Variants in CABP2 observed in about 807,000 individuals in gnomAD.
The protein encoded by CABP2 is calcium binding protein 2, also known as calcium-binding protein 2.
Under a neutral mutation model 28.6 loss-of-function variants are expected in CABP2, and 25 were observed. The ratio of observed to expected loss-of-function variants is 0.87; its 90% CI spans 0.64 to 1.22. The LOEUF (loss-of-function observed/expected upper bound fraction) is 1.22. Among genes scored for constraint, CABP2 ranks in the 50% most tolerant of loss-of-function variants. The pLI, the probability that CABP2 is intolerant of heterozygous loss-of-function variation, is 0.00. For synonymous variants in CABP2, 138 were observed against 126.0 expected (o/e 1.09, Z -0.64); for missense variants, 310 against 312.2 (o/e 0.99, Z 0.05).
chr11:67,520,778 A>G (rs1866735507), intron 4 of CABP2, among the ~76,000 whole-genome samples: 1 of 152,214 alleles, frequency 6.6e-6, no homozygotes, highest in Non-Finnish European at 1.5e-5. Flanking sequence ...TTGCTGTGTG[A>G]CCTTAGACAA....
chr11:67,520,077 G>A lies in CABP2; in HGVS notation c.463C>T (p.Arg155Trp), dbSNP rs1485571053. 10 of 1,613,292 alleles carry A rather than the reference G, an allele frequency of 6.2e-6. No individual in the cohort carries two copies. The highest frequency in any genetic ancestry group is 2.2e-5 in the East Asian group (1 of 44,892). The part of the protein sequence containing the change: ...LAETADMIGV[R>W]ELRDAFREFD... ...TCCCGGAAGGCGTCCCGTAGCTCCC[G>A]GACACCGATCATGTCTGCCGTCTCT... The change falls in exon 5 of 7, where the codon CGG becomes TGG. Residue 155 changes from arginine to tryptophan, a missense_variant. Arg to Trp is a moderately radical substitution (Grantham distance 101). Transcript: ENST00000294288.
At chr11:67,520,957 G>C in intron 4 of CABP2, 68 bp downstream of exon 4, 4 of 1,551,414 alleles carry the variant, frequency 2.6e-6, no homozygotes, top group African/African-American at 1.4e-5. Context: ...TACCTGGACT[G>C]CTTGGCTTCA....
rs1227395478 is a variant in CABP2 at position 67,519,735 on chromosome 11, G to A, written c.637+58C>T. Reference sequence around the variant, plus strand: ...GCCCAGTGGTGACTCTTGCTGTGCGGTTTCTTATCTGCTAGGACCCTTCCA... The same window carrying A: ...GCCCAGTGGTGACTCTTGCTGTGCGATTTCTTATCTGCTAGGACCCTTCCA... On this transcript the variant is annotated intron_variant, in intron 6 of 6. Transcript: ENST00000294288. 3.8e-6 allele frequency: 6 copies of A among 1,579,004 alleles called. No individual in the cohort carries two copies. The East Asian group carries it at 1.4e-4, about 36-fold the overall frequency.
Position 67,521,025 on chromosome 11 carries a change from T to A in CABP2, c.379A>T (p.Ser127Cys), listed in dbSNP as rs755561133. The change falls in exon 4 of 7, where the codon AGT (serine) becomes TGT (cysteine). Residue 127 changes from serine to cysteine, a missense_variant and splice_region_variant. Transcript: ENST00000294288. ...ATGGGGATGGGTCCGAGGCACATAC[T>A]GATTTGTTGTGAGATCTCGATGAGC... ...MELIEISQQI[S>C]GGKVDFEDFV... 1.9e-6 allele frequency: 3 copies of A among 1,613,338 alleles called. No homozygotes were observed. Among genetic ancestry groups the A allele is most frequent in the Non-Finnish European group, 1.7e-6 (2 of 1,179,504 alleles).
chr11:67,519,977 A>C, intron 5 of CABP2, 37 bp from the exon 6 acceptor site: 1 of 1,598,526 alleles, frequency 6.3e-7, no homozygotes, highest in Middle Eastern at 1.7e-4. Context: ...GGTCACTGAC[A>C]GTCATTCACA....
chr11:67,522,743 G>C, intron 1 of CABP2, 27 bp from the exon 2 acceptor site: 2 of 1,457,664 alleles, frequency 1.4e-6, no homozygotes, highest in South Asian at 2.8e-5. Flanking sequence ...CGTGAGCTGG[G>C]GCAGTGGCCG....
rs571809952 is a variant in CABP2, at chr11:67,520,305, T to C, written c.380-145A>G. 1.2e-3 allele frequency: 746 copies of C among 613,166 alleles called. 1 individual carries two copies. The highest frequency in any genetic ancestry group is 1.9e-3 in the Non-Finnish European group (651 of 344,088). 38.0% of individuals were successfully genotyped at this position (613,166 alleles called of 1,614,324 possible). On this transcript the variant is annotated intron_variant, in intron 4 of 6. Coordinates refer to ENST00000294288, the MANE Select transcript of CABP2 (RefSeq NM_016366.3). ...AGCCTGGGTCATCTGTATTTCCCAATGGGAATCGCCCTCCAAACAAGGCAC... is the reference window on the plus strand; with the variant it reads ...AGCCTGGGTCATCTGTATTTCCCAACGGGAATCGCCCTCCAAACAAGGCAC...
Position 67,519,809 on chromosome 11 carries a change from A to G in CABP2, c.621T>C (p.Gly207=). Residue 207 remains glycine, a synonymous_variant, in exon 6 of 7, where the codon GGT becomes GGC. Coordinates refer to ENST00000294288, the MANE Select transcript of CABP2 (RefSeq NM_016366.3). ...ILQDVDLNGD[G]LVDFEEFVRM... ...AGGGGGTACCTTCGAAGTCGACCAG[A>G]CCGTCCCCATTGAGGTCCACGTCCT... 1 of 1,613,890 alleles carries G rather than the reference A, an allele frequency of 6.2e-7. No individual in the cohort carries two copies. The highest frequency in any genetic ancestry group is 8.5e-7 in the Non-Finnish European group (1 of 1,179,918).
Position 67,521,998 on chromosome 11 carries a change from G to C in CABP2, c.214-16C>G, listed in dbSNP as rs771098980. The C allele has an allele frequency of 8.7e-6, 14 of 1,611,148 alleles. No individual in the cohort carries two copies. The African/African-American group carries it at 1.9e-4, about 22-fold the overall frequency. ...GCTCCCGGTCCTGAAGGGCACAGAG[G>C]GGTTAGGAATTCCCTGCTCCTACTG... is the stretch of plus-strand genomic sequence containing the variant. On this transcript the variant is annotated splice_polypyrimidine_tract_variant and intron_variant, in intron 2 of 6. Transcript: ENST00000294288.
In CABP2 at chr11:67,522,629, C is replaced by G; in HGVS notation, c.130G>C (p.Gly44Arg). The G allele has an allele frequency of 1.9e-6, 3 of 1,548,796 alleles. No individual in the cohort carries two copies. The highest frequency in any genetic ancestry group is 2.6e-6 in the Non-Finnish European group (3 of 1,145,952). The change falls in exon 2 of 7, where the codon GGC becomes CGC. Residue 44 changes from glycine to arginine, a missense_variant. Physicochemically the swap from Gly to Arg is moderately radical, Grantham distance 125. Transcript: ENST00000294288. ...SPKEQGDPAP[G>R]VQGYSVLNSL... Reference sequence around the variant, plus strand: ...TTGAGCACCGAGTAGCCCTGGACGCCTGGCGCGGGGTCCCCCTGCTCCTTG... The same window carrying G: ...TTGAGCACCGAGTAGCCCTGGACGCGTGGCGCGGGGTCCCCCTGCTCCTTG...
At chr11:67,523,222 C>T in intron 1 of CABP2, 63 bp downstream of exon 1, 1 of 1,335,492 alleles carries the variant, frequency 7.5e-7, no homozygotes, top group Non-Finnish European at 1.1e-6. Context: ...TCTGCCCATC[C>T]CATCTGACCC....
chr11:67,521,249 C>G lies in CABP2; in HGVS notation c.245-90G>C. ...CCCTTCTCCCTTGGTCCAATCATCCCTCCTTCTGAACATCAGATTCTCTTT... is the reference window on the plus strand; with the variant it reads ...CCCTTCTCCCTTGGTCCAATCATCCGTCCTTCTGAACATCAGATTCTCTTT... On this transcript the variant is annotated intron_variant, in intron 3 of 6. Transcript: ENST00000294288. 2.2e-6 allele frequency: 3 copies of G among 1,354,266 alleles called. No individual in the cohort carries two copies. The South Asian group carries it at 3.9e-5, about 18-fold the overall frequency. The allele number at this position is 1,354,266 out of a possible 1,614,324, so 83.9% of individuals were successfully genotyped here. A position where few individuals can be genotyped will look rare whatever the true frequency, so the allele number is the denominator to read the frequency against.
chr11:67,522,829 T>C (rs1461332400), intron 1 of CABP2, 113 bp from the exon 2 acceptor site: 1 of 975,864 alleles, frequency 1.0e-6, no homozygotes, highest in Non-Finnish European at 1.5e-6. Flanking sequence ...CATGGGACAG[T>C]AGGGAAGGGG....
In CABP2 at chr11:67,519,939, A is replaced by G. The variant is rs773591861; in HGVS notation, c.491T>C (p.Phe164Ser). 3.1e-6 allele frequency: 5 copies of G among 1,605,992 alleles called. No individual in the cohort carries two copies. In the South Asian group the frequency reaches 5.5e-5, roughly 18 times the overall value. The change falls in exon 6 of 7, where the codon TTC (phenylalanine) becomes TCC (serine). Residue 164 changes from phenylalanine (F) to serine (S), a missense_variant and splice_region_variant. Transcript: ENST00000294288. ...GATGCGGCCGTCCCCATTGGTGTCG[A>G]ACTGTGGCGGCGTTGGTTGTGGCGT... ...VRELRDAFRE[F>S]DTNGDGRISV...
intron 3 of CABP2, 84 bp downstream of exon 3, chr11:67,521,868 A>AG: frequency 1.3e-5 from 5 of 374,290 alleles, no homozygotes; most frequent in Non-Finnish European, 1.6e-5. Context: ...CCCCCACCCG[A>AG]TGCCCCCCCA....
chr11:67,520,213 C>T (rs919106845), intron 4 of CABP2, 53 bp from the exon 5 acceptor site: 2 of 1,155,600 alleles, frequency 1.7e-6, no homozygotes, highest in Non-Finnish European at 2.6e-6. Flanking sequence ...CTGCCCCTCC[C>T]TGGCCCTCCC....
chr11:67,523,074 G>C (rs1866774284), intron 1 of CABP2, among the ~76,000 whole-genome samples: 1 of 152,196 alleles, frequency 6.6e-6, no homozygotes, highest in Non-Finnish European at 1.5e-5. Context: ...GGGCAGCTGG[G>C]GGACCTGGAG....
intron 3 of CABP2, 101 bp from the exon 4 acceptor site, chr11:67,521,260 C>T: frequency 1.6e-6 from 2 of 1,255,092 alleles, no homozygotes; most frequent in Admixed American, 4.9e-5. Context: ...TCCTTCTGAA[C>T]ATCAGATTCT....
chr11:67,522,622 TG>T lies in CABP2; in HGVS notation c.136del (p.Gln46ArgfsTer94), dbSNP rs1273332845. The T allele has an allele frequency of 6.5e-7, 1 of 1,548,576 alleles. No individual in the cohort carries two copies. Among genetic ancestry groups the T allele is most frequent in the Admixed American group, 2.0e-5 (1 of 50,932 alleles). On this transcript the variant is annotated frameshift_variant, in exon 2 of 7. Coordinates refer to ENST00000294288, the MANE Select transcript of CABP2 (RefSeq NM_016366.3). LOFTEE classifies it high-confidence loss of function. ...CAGGCTGTTGAGCACCGAGTAGCCC[TG>T]GACGCCTGGCGCGGGGTCCCCCTGC... The part of the protein sequence containing the change: ...KEQGDPAPGV[Q>X]GYSVLNSLVG...
Sources: gnomAD v4.1 joint callset for allele counts (sites outside exome capture counted in the v4.1 genomes callset) on GRCh38, gnomAD v4.1.1 for gene constraint, MANE v1.5 for transcripts, NCBI Gene and HGNC (gene_info 2026-07-23, HGNC 2026-07-21) for gene names.